Variants in WNK1 observed in about 807,000 individuals in gnomAD.
WNK1 encodes the protein serine/threonine-protein kinase WNK1.
Under a neutral mutation model 222.8 loss-of-function variants are expected in WNK1, and 38 were observed. The observed-to-expected ratio is 0.17, with a 90% CI of 0.13 to 0.22. The LOEUF is 0.22. Among genes scored for constraint, WNK1 ranks in the 10% least tolerant of loss-of-function variants. The probability of loss-of-function intolerance (pLI) is 1.00; values close to 1 mark genes in which losing one functional copy is unlikely to be tolerated. For missense variants in WNK1, 2,348 were observed against 2,918.4 expected (o/e 0.80, Z 4.50); for synonymous variants, 1,090 against 1,092.9 (o/e 1.00, Z 0.05).
chr12:881,685 T>C lies in WNK1; in HGVS notation c.3112-7T>C. Reference sequence around the variant, plus strand: ...ACCGAGATTTGAGTTATCTTTTCGATTCACAGAGTACTCAGGGAGTCTCTC... The same window carrying C: ...ACCGAGATTTGAGTTATCTTTTCGACTCACAGAGTACTCAGGGAGTCTCTC... On this transcript the variant is annotated splice_region_variant and splice_polypyrimidine_tract_variant and intron_variant, in intron 12 of 27. Transcript: ENST00000315939. 6.2e-7 allele frequency: 1 copy of C among 1,610,122 alleles called. No homozygotes were observed. Among genetic ancestry groups the C allele is most frequent in the Non-Finnish European group, 8.5e-7 (1 of 1,176,376 alleles).
In WNK1 at chr12:755,814, A is replaced by G. The variant is rs574839424; in HGVS notation, c.759+1490A>G. On this transcript the variant is annotated intron_variant, in intron 1 of 27. Transcript: ENST00000315939. ...ACATGGGGAAACCCCGACTCTACTA[A>G]AAATACAAAAATTAGCCGGGTATGG... Among the ~76,000 whole-genome samples, 3 of 152,282 alleles carry G rather than the reference A, an allele frequency of 2.0e-5. No individual in the cohort carries two copies. In the South Asian group the frequency reaches 6.2e-4, roughly 32 times the overall value.
At chr12:787,633 A>T (rs965301139) in intron 1 of WNK1, among the ~76,000 whole-genome samples, 2 of 152,114 alleles carry the variant, frequency 1.3e-5, no homozygotes, top group African/African-American at 4.8e-5. Flanking sequence ...TTTAAAAAAA[A>T]TCTTTATCTT....
At chr12:838,892 A>T (rs1229498132) in intron 4 of WNK1, among the ~76,000 whole-genome samples, 1 of 152,172 alleles carries the variant, frequency 6.6e-6, no homozygotes. Flanking sequence ...CAACCCCATA[A>T]CAATTCATGG....
intron 1 of WNK1, among the ~76,000 whole-genome samples, chr12:785,531 G>T (rs987477722): frequency 1.3e-5 from 2 of 151,528 alleles, no homozygotes; most frequent in African/African-American, 4.9e-5. Context: ...CCGAGTAGCT[G>T]GGATTACAGG....
chr12:767,233 GGTTTTTTTTTTTTTTTTTTTTTT>G (rs1941839568), intron 1 of WNK1, among the ~76,000 whole-genome samples: 1 of 108,484 alleles, frequency 9.2e-6, no homozygotes, highest in African/African-American at 3.9e-5. Flanking sequence ...TGGGTTGATA[GGTTTTTTTTTTTTTTTTTTTTTT>G]TTTTTTTTTT....
At chr12:851,525 T>C in intron 4 of WNK1, 1 of 1,169,416 alleles carries the variant, frequency 8.6e-7, no homozygotes, top group Non-Finnish European at 1.1e-6. Flanking sequence ...GTTGGCTGAG[T>C]AGAGCAAATT....
chr12:844,130 A>G (rs1019116323), intron 4 of WNK1, among the ~76,000 whole-genome samples: 4 of 151,006 alleles, frequency 2.6e-5, no homozygotes, highest in African/African-American at 9.8e-5. Context: ...AATTTTCTTT[A>G]TTTTATTTTA....
chr12:903,897 T>C lies in WNK1; in HGVS notation c.6643+3227T>C, dbSNP rs193059180. On this transcript the variant is annotated intron_variant, in intron 26 of 27. Transcript: ENST00000315939. ...TATATTTATGTTCAGAGGTTGCTTG[T>C]TTTCCACGTACTTTTAAAAACTATT... 6.6e-5 allele frequency among the ~76,000 whole-genome samples: 10 copies of C among 152,340 alleles called. No individual in the cohort carries two copies. The East Asian group carries it at 1.7e-3, about 26-fold the overall frequency.
rs746802617 is a variant in WNK1, at chr12:868,511, A to G, written c.2140-2754A>G. Reference sequence around the variant, plus strand: ...GGGTCCGGGATCTCCCCTCTCTAGTATTTCTGCACCTATCAGTACAGATGC... The same window carrying G: ...GGGTCCGGGATCTCCCCTCTCTAGTGTTTCTGCACCTATCAGTACAGATGC... On this transcript the variant is annotated intron_variant, in intron 8 of 27. Coordinates refer to ENST00000315939, the MANE Select transcript of WNK1 (RefSeq NM_018979.4). 8 of 1,613,782 alleles carry G rather than the reference A, an allele frequency of 5.0e-6. No homozygotes were observed. The Admixed American group carries it at 5.0e-5, about 10-fold the overall frequency.
intron 4 of WNK1, chr12:851,589 A>G: frequency 8.3e-7 from 1 of 1,211,664 alleles, no homozygotes; most frequent in Non-Finnish European, 1.1e-6. Flanking sequence ...ACTGTGTTTC[A>G]GTCTGACTTT....
intron 1 of WNK1, among the ~76,000 whole-genome samples, chr12:765,728 TTAAGAC>T (rs961734418): frequency 1.3e-5 from 2 of 152,148 alleles, no homozygotes; most frequent in Non-Finnish European, 1.5e-5. Flanking sequence ...GGCCAGGAGT[TTAAGAC>T]TAGGCTGGGC....
rs1224558590 is a variant in WNK1, at chr12:910,016, T to TAAAG, written c.*1227_*1230dup. On this transcript the variant is annotated 3_prime_UTR_variant, in exon 28 of 28. Transcript: ENST00000315939. ...TGTGTGCTGGGTGAAAGACAAAGAC[T>TAAAG]AAAGAATGAGGAAACAAACGTGATG... is the stretch of plus-strand genomic sequence containing the variant. 6.6e-6 allele frequency: 1 copy of TAAAG among 151,670 alleles called. No individual in the cohort carries two copies. The highest frequency in any genetic ancestry group is 1.5e-5 in the Non-Finnish European group (1 of 68,016). The allele number at this position is 151,670 out of a possible 1,614,324, so 9.4% of individuals were successfully genotyped here.
intron 8 of WNK1, among the ~76,000 whole-genome samples, chr12:866,015 A>G (rs776244122): frequency 5.9e-5 from 9 of 152,142 alleles, no homozygotes; most frequent in Non-Finnish European, 1.0e-4. Context: ...CTTTGGCTCC[A>G]TTAATGTTTA....
At chr12:889,075 T>C in intron 20 of WNK1, 65 bp from the exon 21 acceptor site, 2 of 1,219,638 alleles carry the variant, frequency 1.6e-6, no homozygotes, top group Non-Finnish European at 2.4e-6. Context: ...CCTATCTAAA[T>C]TGGCTATATA....
intron 1 of WNK1, among the ~76,000 whole-genome samples, chr12:811,283 G>A (rs762678612): frequency 2.6e-5 from 4 of 152,084 alleles, no homozygotes; most frequent in Non-Finnish European, 4.4e-5. Flanking sequence ...ACCTTCAGCT[G>A]TAATTTAGTA....
chr12:878,240 C>T lies in WNK1; in HGVS notation c.2252C>T (p.Pro751Leu). ...CAGGGAATACAGCAGACAGCCCCTC[C>T]TCAACAGACAGTGCAGTATTCACTT... ...QQQGIQQTAP[P>L]QQTVQYSLSQ... The change falls in exon 10 of 28, where the codon CCT (proline) becomes CTT (leucine). Residue 751 changes from proline to leucine, a missense_variant. Physicochemically the swap from Pro to Leu is moderately conservative, Grantham distance 98. This residue lies in a region of WNK1 where 547 missense variants were observed against 558.3 expected (regional missense o/e 0.98). Coordinates refer to ENST00000315939, the MANE Select transcript of WNK1 (RefSeq NM_018979.4). The T allele has an allele frequency of 6.2e-7, 1 of 1,614,144 alleles. No homozygotes were observed. The highest frequency in any genetic ancestry group is 1.3e-5 in the African/African-American group (1 of 75,042).
Position 861,258 on chromosome 12 carries a change from A to G in WNK1, c.1866A>G (p.Ser622=). 1 of 1,614,178 alleles carries G rather than the reference A, an allele frequency of 6.2e-7. No individual in the cohort carries two copies. The highest frequency in any genetic ancestry group is 8.5e-7 in the Non-Finnish European group (1 of 1,180,026). The change falls in exon 7 of 28, where the codon TCA becomes TCG. Residue 622 remains serine, a synonymous_variant. Transcript: ENST00000315939. The part of the protein sequence containing the change: ...GIPTASTTSA[S]VSTQVEPEEP... The stretch of plus-strand genomic sequence containing the variant: ...CTACTGCTTCTACCACTTCAGCTTC[A>G]GTTTCTACACAAGTAGAACCTGAAG...
At chr12:863,555 C>CT (rs1001042507) in intron 8 of WNK1, among the ~76,000 whole-genome samples, 6 of 150,812 alleles carry the variant, frequency 4.0e-5, no homozygotes, top group African/African-American at 7.3e-5. Context: ...TTTGCTAAGA[C>CT]TTTTTTTTTA....
chr12:826,888 C>T (rs945131508), intron 2 of WNK1, among the ~76,000 whole-genome samples, 154 bp from the exon 3 acceptor site: 1 of 152,180 alleles, frequency 6.6e-6, no homozygotes, highest in Non-Finnish European at 1.5e-5. Flanking sequence ...CATAGCCCTG[C>T]TTACTAAAAG....
Sources: allele counts gnomAD v4.1 joint callset (sites outside exome capture counted in the v4.1 genomes callset), GRCh38; gene constraint gnomAD v4.1.1; regional missense constraint gnomAD v4.1.1; transcripts MANE v1.5; gene names NCBI Gene and HGNC (gene_info 2026-07-23, HGNC 2026-07-21).